The following ADARB2 variants were observed in gnomAD, a reference collection of about 807,000 sequenced individuals.
The protein encoded by ADARB2 is adenosine deaminase RNA specific B2 (inactive).
In ADARB2, 25 loss-of-function variants were observed where a neutral mutation model predicts 62.2. That is an observed-to-expected ratio of 0.40 (90% CI 0.29 to 0.56). ADARB2 has a LOEUF of 0.56. ADARB2 is among the 20% of genes least tolerant of loss of function. ADARB2 has a pLI of 0.43. For synonymous variants in ADARB2, 572 were observed against 500.8 expected, an observed-to-expected ratio of 1.14 and a Z score of -1.90; for missense variants, 1,071 against 1,077.4, an observed-to-expected ratio of 0.99 and a Z score of 0.08.
intron 1 of ADARB2, among the ~76,000 whole-genome samples, chr10:1,525,776 T>G (rs1308874627): frequency 4.0e-5 from 6 of 151,810 alleles, no homozygotes; most frequent in African/African-American, 1.2e-4. Context: ...CTCATGTGCT[T>G]GTGTGTTTAT....
At chr10:1,436,375 C>T (rs1830835919) in intron 1 of ADARB2, among the ~76,000 whole-genome samples, 1 of 152,154 alleles carries the variant, frequency 6.6e-6, no homozygotes, top group African/African-American at 2.4e-5. Flanking sequence ...TGATTTTTAA[C>T]GATCACACTT....
At chr10:1,719,993 C>T (rs1023762801) in intron 1 of ADARB2, among the ~76,000 whole-genome samples, 1 of 152,216 alleles carries the variant, frequency 6.6e-6, no homozygotes, top group Non-Finnish European at 1.5e-5. Flanking sequence ...AACAGAACTA[C>T]CATTCAACCC....
intron 1 of ADARB2, among the ~76,000 whole-genome samples, chr10:1,531,700 G>A (rs1832242851): frequency 6.6e-6 from 1 of 152,146 alleles, no homozygotes. Flanking sequence ...AGCTGGATGT[G>A]GTGTCAAATG....
intron 1 of ADARB2, among the ~76,000 whole-genome samples, chr10:1,441,843 C>T (rs1395078591): frequency 2.0e-5 from 3 of 152,162 alleles, no homozygotes; most frequent in African/African-American, 4.8e-5. Flanking sequence ...AATTAAGAAA[C>T]TTGTGCTAAT....
At chr10:1,390,492 G>A (rs1832560530) in intron 1 of ADARB2, among the ~76,000 whole-genome samples, 1 of 152,164 alleles carries the variant, frequency 6.6e-6, no homozygotes, top group Admixed American at 6.5e-5. Context: ...CAAAAATCAT[G>A]ACTGGACAAG....
intron 4 of ADARB2, among the ~76,000 whole-genome samples, chr10:1,246,887 G>A (rs1443311270): frequency 6.6e-6 from 1 of 151,992 alleles, no homozygotes; most frequent in Admixed American, 6.6e-5. Flanking sequence ...TTGGTAGCTT[G>A]ATGGGGATGG....
At chr10:1,271,092 T>G in intron 3 of ADARB2, 23 bp from the exon 4 acceptor site, 1 of 1,602,040 alleles carries the variant, frequency 6.2e-7, no homozygotes, top group Non-Finnish European at 8.5e-7. Flanking sequence ...AGCACAGGCC[T>G]CCACGTTGGG....
intron 3 of ADARB2, among the ~76,000 whole-genome samples, chr10:1,317,165 TTA>T (rs1255887095): frequency 1.3e-5 from 2 of 152,246 alleles, no homozygotes; most frequent in Non-Finnish European, 2.9e-5. Context: ...TAGCCGATTT[TTA>T]TGTTTTTTAG....
chr10:1,337,958 T>C (rs755081914), intron 3 of ADARB2, among the ~76,000 whole-genome samples: 3 of 152,202 alleles, frequency 2.0e-5, no homozygotes, highest in Non-Finnish European at 4.4e-5. Flanking sequence ...GAAGTTGTGT[T>C]GTCACCTGGG....
At chr10:1,580,509 T>G (rs1290723597) in intron 1 of ADARB2, among the ~76,000 whole-genome samples, 1 of 152,006 alleles carries the variant, frequency 6.6e-6, no homozygotes, top group Non-Finnish European at 1.5e-5. Context: ...AAGGCTTTTT[T>G]TTTTTTAGAG....
chr10:1,461,519 T>G (rs116233874), intron 1 of ADARB2, among the ~76,000 whole-genome samples: 10 of 152,054 alleles, frequency 6.6e-5, no homozygotes, highest in African/African-American at 2.4e-4. Flanking sequence ...TATATATTTT[T>G]TTTTTTAAAG....
rs529646074 is a variant in ADARB2 at position 1,452,623 on chromosome 10, G to T, written c.101-73463C>A. On this transcript the variant is annotated intron_variant, in intron 1 of 9. Transcript: ENST00000381312. ...AACTCATGGACACGGGGGTTGGGGG[G>T]GGGAATATCACACACTGGGGCCTGT... Among the ~76,000 whole-genome samples the T allele has an allele frequency of 1.5e-3, 219 of 148,326 alleles. 1 individual carries two copies. The highest frequency in any genetic ancestry group is 5.2e-3 in the African/African-American group (209 of 40,232).
At chr10:1,316,248 G>A (rs1360537982) in intron 3 of ADARB2, among the ~76,000 whole-genome samples, 1 of 152,210 alleles carries the variant, frequency 6.6e-6, no homozygotes, top group Non-Finnish European at 1.5e-5. Context: ...TGTGACAGGC[G>A]GCGTCACACA....
intron 4 of ADARB2, among the ~76,000 whole-genome samples, chr10:1,258,623 A>C (rs1290920946): frequency 6.6e-6 from 1 of 152,236 alleles, no homozygotes; most frequent in African/African-American, 2.4e-5. Context: ...ATATGCATCC[A>C]ATACAGGAGC....
chr10:1,648,101 G>A (rs1834068766), intron 1 of ADARB2, among the ~76,000 whole-genome samples: 1 of 152,176 alleles, frequency 6.6e-6, no homozygotes, highest in African/African-American at 2.4e-5. Context: ...TTAGGAAACT[G>A]AAAACACATT....
chr10:1,336,875 G>A (rs1414055858), intron 3 of ADARB2, among the ~76,000 whole-genome samples: 1 of 152,018 alleles, frequency 6.6e-6, no homozygotes. Flanking sequence ...CCTTTACAGT[G>A]CATGTGTGGT....
chr10:1,498,919 T>C (rs1831726844), intron 1 of ADARB2, among the ~76,000 whole-genome samples: 1 of 152,074 alleles, frequency 6.6e-6, no homozygotes, highest in Non-Finnish European at 1.5e-5. Flanking sequence ...CACTCAACAC[T>C]CATTCATCAT....
intron 1 of ADARB2, among the ~76,000 whole-genome samples, chr10:1,641,966 T>C (rs1407560491): frequency 6.6e-6 from 1 of 152,156 alleles, no homozygotes; most frequent in Non-Finnish European, 1.5e-5. Context: ...TGAGCCGAGA[T>C]GGTGCCACTG....
At chr10:1,334,674 A>G (rs940452855) in intron 3 of ADARB2, among the ~76,000 whole-genome samples, 1 of 152,232 alleles carries the variant, frequency 6.6e-6, no homozygotes, top group South Asian at 2.1e-4. Context: ...TCCTTTTACA[A>G]ATAAAGTTTC....
Sources: allele counts gnomAD v4.1 joint callset (sites outside exome capture counted in the v4.1 genomes callset), GRCh38; gene constraint gnomAD v4.1.1; transcripts MANE v1.5; gene names NCBI Gene and HGNC (gene_info 2026-07-23, HGNC 2026-07-21).